ZCCHC10: variants seen among roughly 807,000 people sequenced by gnomAD.
ZCCHC10 encodes the protein zinc finger CCHC-type containing 10.
A neutral mutation model predicts 19.5 loss-of-function variants in ZCCHC10; 16 were observed. The observed-to-expected ratio is 0.82, with a 90% CI of 0.56 to 1.25. The LOEUF (loss-of-function observed/expected upper bound fraction) is 1.25. ZCCHC10 is among the 50% of genes most tolerant of loss of function. The pLI is 0.00. For synonymous variants in ZCCHC10, 67 were observed against 72.5 expected, an observed-to-expected ratio of 0.92 and a Z score of 0.38; for missense variants, 197 against 201.0, an observed-to-expected ratio of 0.98 and a Z score of 0.12.
intron 2 of ZCCHC10, among the ~76,000 whole-genome samples, chr5:133,013,061 T>TAAAAAAAAAAAAAAATA (rs1763668369): frequency 8.8e-6 from 1 of 113,056 alleles, no homozygotes; most frequent in African/African-American, 3.1e-5. Flanking sequence ...AAAAAAAAAT[T>TAAAAAAAAAAAAAAATA]AAAAAAAAAA....
intron 2 of ZCCHC10, among the ~76,000 whole-genome samples, chr5:133,022,536 C>T (rs1764387468): frequency 6.6e-6 from 1 of 151,910 alleles, no homozygotes. Flanking sequence ...TCACTGCAAC[C>T]TCCGTCTCCC....
intron 2 of ZCCHC10, among the ~76,000 whole-genome samples, chr5:133,013,311 T>C (rs953095174): frequency 3.5e-5 from 5 of 144,300 alleles, no homozygotes; most frequent in Admixed American, 2.8e-4. Flanking sequence ...AATAAACATA[T>C]GAAAAAGTAT....
intron 2 of ZCCHC10, among the ~76,000 whole-genome samples, chr5:133,016,716 T>A (rs1444027152): frequency 6.6e-6 from 1 of 152,176 alleles, no homozygotes; most frequent in East Asian, 1.9e-4. Context: ...GTGCTGGGAT[T>A]ATAGGTGTGA....
intron 4 of ZCCHC10, among the ~76,000 whole-genome samples, chr5:132,999,441 G>A (rs1048712699): frequency 1.3e-5 from 2 of 152,182 alleles, no homozygotes; most frequent in African/African-American, 4.8e-5. Flanking sequence ...GAATAAAGCT[G>A]CAGTATAACA....
At chr5:133,017,231 C>T (rs1367025755) in intron 2 of ZCCHC10, among the ~76,000 whole-genome samples, 1 of 152,136 alleles carries the variant, frequency 6.6e-6, no homozygotes, top group Non-Finnish European at 1.5e-5. Flanking sequence ...CTCTCCTGAC[C>T]CCACATTCAG....
intron 2 of ZCCHC10, among the ~76,000 whole-genome samples, chr5:133,014,510 C>T (rs571370511): frequency 6.6e-6 from 1 of 152,274 alleles, no homozygotes; most frequent in East Asian, 1.9e-4. Context: ...AATGTCTTAA[C>T]GTCCCGTATA....
rs1762515379 is a variant in ZCCHC10 at position 132,997,749 on chromosome 5, C to T, written c.*834G>A. ...CAGTAAAAATTACCTCTTCTTCCTA[C>T]CTTTCCCCCTGCTTTGAATGGTACC... On this transcript the variant is annotated 3_prime_UTR_variant, in exon 5 of 5. Coordinates refer to ENST00000509437, the MANE Select transcript of ZCCHC10 (RefSeq NM_001300816.3). 1 of 152,164 alleles carries T rather than the reference C, an allele frequency of 6.6e-6. No homozygotes were observed. Among genetic ancestry groups the T allele is most frequent in the African/African-American group, 2.4e-5 (1 of 41,450 alleles). 9.4% of individuals were successfully genotyped at this position (152,164 alleles called of 1,614,324 possible).
intron 3 of ZCCHC10, among the ~76,000 whole-genome samples, chr5:133,004,234 G>A (rs1762959766): frequency 6.6e-6 from 1 of 151,304 alleles, no homozygotes; most frequent in Admixed American, 6.6e-5. Context: ...AAGTGCAATG[G>A]TGCAGTCTCG....
At chr5:133,021,798 A>G (rs187746031) in intron 2 of ZCCHC10, among the ~76,000 whole-genome samples, 3 of 134,804 alleles carry the variant, frequency 2.2e-5, no homozygotes, top group African/African-American at 9.4e-5. Flanking sequence ...TTACTTTATA[A>G]CTTTTTTTTT....
chr5:133,005,071 G>A lies in ZCCHC10; in HGVS notation c.269+1688C>T, dbSNP rs917442068. Reference sequence around the variant, plus strand: ...TCCCAGCACTTTGGGAGGCCGAGGCGGGCAGATCATGAGGTCAGGAGATCG... The same window carrying A: ...TCCCAGCACTTTGGGAGGCCGAGGCAGGCAGATCATGAGGTCAGGAGATCG... On this transcript the variant is annotated intron_variant, in intron 3 of 4. Transcript: ENST00000509437. Among the ~76,000 whole-genome samples the A allele has an allele frequency of 8.6e-5, 13 of 151,964 alleles. 1 individual carries two copies. The highest frequency in any genetic ancestry group is 7.8e-4 in the East Asian group (4 of 5,098).
intron 3 of ZCCHC10, 120 bp from the exon 4 acceptor site, chr5:133,000,293 A>C: frequency 3.6e-6 from 4 of 1,116,158 alleles, no homozygotes; most frequent in South Asian, 1.5e-5. Flanking sequence ...TGTTTTTATC[A>C]CATACAGAGT....
chr5:133,005,347 T>G (rs1448649227), intron 3 of ZCCHC10, among the ~76,000 whole-genome samples: 1 of 152,016 alleles, frequency 6.6e-6, no homozygotes, highest in Non-Finnish European at 1.5e-5. Context: ...GCATGGTGGC[T>G]CATGCCTATA....
rs1446284722 is a variant in ZCCHC10 at position 132,998,438 on chromosome 5, G to A, written c.*145C>T. 1.6e-5 allele frequency: 11 copies of A among 677,786 alleles called. No individual in the cohort carries two copies. Among genetic ancestry groups the A allele is most frequent in the Non-Finnish European group, 2.4e-5 (10 of 409,924 alleles). The allele number at this position is 677,786 out of a possible 1,614,324, so 42.0% of individuals were successfully genotyped here. ...ATAAGCCATTATTAATATTCTCTAT[G>A]CTCTTACAATGTAAAACATTTAGAA... On this transcript the variant is annotated 3_prime_UTR_variant, in exon 5 of 5. Coordinates refer to ENST00000509437, the MANE Select transcript of ZCCHC10 (RefSeq NM_001300816.3).
intron 2 of ZCCHC10, among the ~76,000 whole-genome samples, chr5:133,020,573 G>A (rs1255966206): frequency 2.7e-5 from 4 of 146,944 alleles, no homozygotes; most frequent in African/African-American, 1.0e-4. Flanking sequence ...AACGAGATAT[G>A]ATCATACAAC....
At chr5:133,010,393 T>C (rs780924375) in intron 2 of ZCCHC10, among the ~76,000 whole-genome samples, 3 of 152,014 alleles carry the variant, frequency 2.0e-5, no homozygotes, top group South Asian at 4.1e-4. Flanking sequence ...GTAAATATTA[T>C]AGGCTTTGTG....
intron 4 of ZCCHC10, among the ~76,000 whole-genome samples, chr5:132,999,922 A>G (rs760062106): frequency 5.9e-5 from 9 of 152,010 alleles, no homozygotes; most frequent in Non-Finnish European, 1.0e-4. Flanking sequence ...TAATTTTTCT[A>G]TTTTTAGTAG....
intron 1 of ZCCHC10, among the ~76,000 whole-genome samples, chr5:133,024,352 C>T (rs1764528840): frequency 6.6e-6 from 1 of 152,184 alleles, no homozygotes; most frequent in Non-Finnish European, 1.5e-5. Flanking sequence ...ATCAGAGCTT[C>T]ACAATCCCAC....
chr5:133,014,627 T>C (rs937778707), intron 2 of ZCCHC10, among the ~76,000 whole-genome samples: 3 of 152,230 alleles, frequency 2.0e-5, no homozygotes, highest in Non-Finnish European at 4.4e-5. Context: ...TTGACACTTT[T>C]AGAAGATTGC....
chr5:133,008,234 A>G (rs1348168565), intron 2 of ZCCHC10, among the ~76,000 whole-genome samples: 1 of 147,742 alleles, frequency 6.8e-6, no homozygotes, highest in East Asian at 2.0e-4. Context: ...CAAAAAAAAA[A>G]AAAAAAAAAG....
Sources: gnomAD v4.1 joint callset for allele counts (sites outside exome capture counted in the v4.1 genomes callset) on GRCh38, gnomAD v4.1.1 for gene constraint, MANE v1.5 for transcripts, NCBI Gene and HGNC (gene_info 2026-07-23, HGNC 2026-07-21) for gene names.